Variants in ATP8A2 observed in about 807,000 individuals in gnomAD.
ATP8A2 encodes the protein phospholipid-transporting ATPase IB.
A neutral mutation model predicts 165.6 loss-of-function variants in ATP8A2; 100 were observed. The ratio of observed to expected loss-of-function variants is 0.60; its 90% CI spans 0.51 to 0.71. ATP8A2 has a LOEUF of 0.71. ATP8A2 is among the 30% of genes least tolerant of loss of function. The probability of loss-of-function intolerance (pLI) is 0.00; values close to 1 mark genes in which losing one functional copy is unlikely to be tolerated. For missense variants in ATP8A2, 1,227 were observed against 1,479.5 expected (o/e 0.83, Z 2.80); for synonymous variants, 543 against 548.8 (o/e 0.99, Z 0.15).
chr13:25,517,877 G>A (rs1040830782), intron 2 of ATP8A2, among the ~76,000 whole-genome samples: 1 of 152,202 alleles, frequency 6.6e-6, no homozygotes, highest in African/African-American at 2.4e-5. Flanking sequence ...TTCTTGTAAG[G>A]TGCTCATATG....
chr13:25,454,740 G>T (rs2035319074), intron 1 of ATP8A2, among the ~76,000 whole-genome samples: 1 of 152,260 alleles, frequency 6.6e-6, no homozygotes, highest in South Asian at 2.1e-4. Context: ...TGACCAACGT[G>T]GTGAAACCCC....
chr13:25,540,501 A>C (rs2038438112), intron 8 of ATP8A2, 113 bp downstream of exon 8: 1 of 769,164 alleles, frequency 1.3e-6, no homozygotes, highest in Admixed American at 2.3e-5. Context: ...GTTATGCCTT[A>C]GCCCTAATGG....
chr13:25,745,195 G>A (rs551625784), intron 25 of ATP8A2, among the ~76,000 whole-genome samples: 34 of 152,186 alleles, frequency 2.2e-4, no homozygotes, highest in Middle Eastern at 3.4e-3. Context: ...CACCCGCCTC[G>A]GCCTCCCAAA....
intron 24 of ATP8A2, among the ~76,000 whole-genome samples, chr13:25,670,043 A>G (rs1260413334): frequency 6.6e-6 from 1 of 152,192 alleles, no homozygotes; most frequent in African/African-American, 2.4e-5. Context: ...CAAGTGAGAG[A>G]AAAGACCCCA....
intron 35 of ATP8A2, 36 bp downstream of exon 35, chr13:25,968,715 G>A (rs771784260): frequency 6.5e-7 from 1 of 1,530,132 alleles, no homozygotes; most frequent in South Asian, 1.2e-5. Context: ...CAGAACACAG[G>A]TGCTCCCGGC....
chr13:25,608,497 GT>G (rs35019920), intron 24 of ATP8A2, among the ~76,000 whole-genome samples: 74,759 of 151,906 alleles, frequency 0.49, 20,051 homozygotes, highest in Admixed American at 0.61. Flanking sequence ...TTTAAGTTCT[GT>G]TTGTGACAGT....
intron 23 of ATP8A2, among the ~76,000 whole-genome samples, chr13:25,582,430 A>G (rs2039801565): frequency 6.6e-6 from 1 of 152,258 alleles, no homozygotes; most frequent in African/African-American, 2.4e-5. Context: ...AAATTGAAGA[A>G]AAGGAATTTA....
At chr13:25,999,149 G>A (rs991114937) in intron 35 of ATP8A2, among the ~76,000 whole-genome samples, 18 of 152,286 alleles carry the variant, frequency 1.2e-4, no homozygotes, top group African/African-American at 4.3e-4. Context: ...ATATTGAACC[G>A]TGTCCTCTGT....
At chr13:25,541,789 C>A in intron 8 of ATP8A2, 130 bp from the exon 9 acceptor site, 1 of 947,034 alleles carries the variant, frequency 1.1e-6, no homozygotes, top group Non-Finnish European at 1.5e-6. Context: ...GACAGTTTGA[C>A]TTGTTAGCCC....
At chr13:25,819,914 G>T (rs1456868304) in intron 27 of ATP8A2, among the ~76,000 whole-genome samples, 3 of 152,186 alleles carry the variant, frequency 2.0e-5, no homozygotes, top group Non-Finnish European at 4.4e-5. Context: ...ATGCAAATTA[G>T]TAGATCGTGA....
chr13:25,573,755 A>G (rs748622643), intron 18 of ATP8A2, among the ~76,000 whole-genome samples: 39 of 152,204 alleles, frequency 2.6e-4, no homozygotes, highest in Non-Finnish European at 4.7e-4. Flanking sequence ...GATATGATGG[A>G]AAGTTAGGAC....
chr13:25,500,877 A>G (rs947969503), intron 2 of ATP8A2, among the ~76,000 whole-genome samples: 1 of 152,150 alleles, frequency 6.6e-6, no homozygotes, highest in Non-Finnish European at 1.5e-5. Context: ...TGGCACCAAT[A>G]TATATAATTT....
At chr13:25,570,652 C>T in intron 16 of ATP8A2, 115 bp from the exon 17 acceptor site, 1 of 810,062 alleles carries the variant, frequency 1.2e-6, no homozygotes, top group Non-Finnish European at 2.1e-6. Flanking sequence ...GGACCTCTAC[C>T]CTGTCCTACA....
At chr13:25,706,634 G>A (rs1046922425) in intron 25 of ATP8A2, among the ~76,000 whole-genome samples, 6 of 152,066 alleles carry the variant, frequency 3.9e-5, no homozygotes, top group Non-Finnish European at 8.8e-5. Flanking sequence ...TATTGGTAGG[G>A]ATCCAATTGT....
chr13:25,411,076 C>A (rs968557457), intron 1 of ATP8A2, among the ~76,000 whole-genome samples: 90 of 152,260 alleles, frequency 5.9e-4, no homozygotes, highest in African/African-American at 2.2e-3. Context: ...CTCCTGGAAG[C>A]AATTCATTAT....
intron 24 of ATP8A2, among the ~76,000 whole-genome samples, chr13:25,633,975 C>CAAA (rs199748845): frequency 7.5e-6 from 1 of 133,724 alleles, no homozygotes; most frequent in Non-Finnish European, 1.6e-5. Context: ...GACCCTGTCT[C>CAAA]AAAAAAAAAA....
intron 25 of ATP8A2, among the ~76,000 whole-genome samples, chr13:25,723,866 C>T (rs941871783): frequency 6.6e-6 from 1 of 151,924 alleles, no homozygotes; most frequent in Admixed American, 6.6e-5. Flanking sequence ...TCACATGAGC[C>T]GTTTAAATCT....
chr13:25,479,573 G>A (rs2036098461), intron 2 of ATP8A2, among the ~76,000 whole-genome samples: 2 of 152,010 alleles, frequency 1.3e-5, no homozygotes, highest in African/African-American at 4.8e-5. Flanking sequence ...CAATAGTGGA[G>A]GGAAGGTCAG....
intron 33 of ATP8A2, among the ~76,000 whole-genome samples, chr13:25,909,440 A>C (rs1366337327): frequency 1.3e-5 from 2 of 152,178 alleles, no homozygotes; most frequent in East Asian, 3.8e-4. Context: ...TAAAAAGCTG[A>C]TATATTTTAG....
Sources: gnomAD v4.1 joint callset for allele counts (sites outside exome capture counted in the v4.1 genomes callset) on GRCh38, gnomAD v4.1.1 for gene constraint, MANE v1.5 for transcripts, NCBI Gene and HGNC (gene_info 2026-07-23, HGNC 2026-07-21) for gene names.